Variants in TMEM39B observed in about 807,000 individuals in gnomAD.
The protein encoded by TMEM39B is transmembrane protein 39B.
Under a neutral mutation model 52.2 loss-of-function variants are expected in TMEM39B, and 23 were observed. The ratio of observed to expected loss-of-function variants is 0.44; its 90% CI spans 0.32 to 0.62. TMEM39B has a LOEUF of 0.62. Ranked by LOEUF, TMEM39B falls within the 20% of genes least tolerant of loss-of-function variation. The pLI, the probability that TMEM39B is intolerant of heterozygous loss-of-function variation, is 0.06. For synonymous variants in TMEM39B, 285 were observed against 264.0 expected, an observed-to-expected ratio of 1.08 and a Z score of -0.77; for missense variants, 547 against 642.0, an observed-to-expected ratio of 0.85 and a Z score of 1.60.
intron 5 of TMEM39B, among the ~76,000 whole-genome samples, chr1:32,087,971 G>A (rs962986688): frequency 1.7e-4 from 25 of 149,928 alleles, no homozygotes; most frequent in African/African-American, 6.1e-4. Context: ...TTTTAATGTG[G>A]CTAAATTATG....
At chr1:32,096,450 C>CGTAT (rs1640809734) in intron 7 of TMEM39B, among the ~76,000 whole-genome samples, 1 of 138,772 alleles carries the variant, frequency 7.2e-6, no homozygotes, top group Non-Finnish European at 1.5e-5. Context: ...TCTCCTCTGG[C>CGTAT]CTTTTTTTTT....
chr1:32,091,543 G>T, intron 5 of TMEM39B, 132 bp from the exon 6 acceptor site: 1 of 970,836 alleles, frequency 1.0e-6, no homozygotes, highest in Non-Finnish European at 1.5e-6. Context: ...TGGATGGAAG[G>T]ACTGGTAAAT....
At chr1:32,073,202 G>GT in intron 1 of TMEM39B, 151 bp downstream of exon 1, 1 of 751,082 alleles carries the variant, frequency 1.3e-6, no homozygotes, top group Middle Eastern at 4.6e-4. Flanking sequence ...CCCTCCTGTC[G>GT]TTTTGCGGGG....
chr1:32,076,571 C>G, intron 3 of TMEM39B, 192 bp from the exon 4 acceptor site: 1 of 700,142 alleles, frequency 1.4e-6, no homozygotes, highest in East Asian at 2.7e-5. Context: ...CAGGGACTGT[C>G]CCACTTCCCT....
chr1:32,092,161 AT>A (rs1557435466), intron 6 of TMEM39B, 150 bp downstream of exon 6: 1 of 747,990 alleles, frequency 1.3e-6, no homozygotes, highest in Non-Finnish European at 2.1e-6. Context: ...TCTCCATTTT[AT>A]TTTTTATTTT....
intron 5 of TMEM39B, among the ~76,000 whole-genome samples, chr1:32,088,979 AAGAC>A (rs1161004827): frequency 2.0e-5 from 3 of 152,216 alleles, no homozygotes; most frequent in Non-Finnish European, 2.9e-5. Flanking sequence ...GTAGGACTAA[AAGAC>A]AGTATTTATG....
rs2124423395 is a variant in TMEM39B, at chr1:32,075,529, A to G, written c.132-74A>G. The G allele has an allele frequency of 1.9e-5, 27 of 1,451,710 alleles. 1 individual carries two copies. In the South Asian group the frequency reaches 3.2e-4, roughly 17 times the overall value. The allele number at this position is 1,451,710 out of a possible 1,614,324, so 89.9% of individuals were successfully genotyped here. A position where few individuals can be genotyped will look rare whatever the true frequency, so the allele number is the denominator to read the frequency against. On this transcript the variant is annotated intron_variant, in intron 2 of 8. Coordinates refer to ENST00000336294, the MANE Select transcript of TMEM39B (RefSeq NM_018056.4). ...GCTGCTTTTCTGATCTTATCCCACA[A>G]TCCTTTGCCTCAGAAGCCCTTCCTG...
chr1:32,077,223 C>T lies in TMEM39B; in HGVS notation c.495C>T (p.Phe165=). The part of the protein sequence containing the change: ...FRSILLFLTR[F]TVLTATGWSL... ...CCATCCTGCTGTTCCTCACTCGCTTCACCGTTCTCACGGCAACAGGCTGGA... is the reference window on the plus strand; with the variant it reads ...CCATCCTGCTGTTCCTCACTCGCTTTACCGTTCTCACGGCAACAGGCTGGA... Residue 165 remains phenylalanine, a synonymous_variant, in exon 5 of 9, where the codon TTC becomes TTT. Coordinates refer to ENST00000336294, the MANE Select transcript of TMEM39B (RefSeq NM_018056.4). The T allele has an allele frequency of 4.3e-6, 7 of 1,614,204 alleles. No homozygotes were observed. The highest frequency in any genetic ancestry group is 5.1e-6 in the Non-Finnish European group (6 of 1,180,048).
At chr1:32,073,903 T>C (rs1396755659) in intron 1 of TMEM39B, 6 of 981,588 alleles carry the variant, frequency 6.1e-6, no homozygotes, top group Non-Finnish European at 7.3e-6. Context: ...TTTAAAAATA[T>C]GTATATGTAT....
intron 6 of TMEM39B, 40 bp from the exon 7 acceptor site, chr1:32,094,744 A>G: frequency 6.2e-7 from 1 of 1,605,194 alleles, no homozygotes; most frequent in Non-Finnish European, 8.5e-7. Flanking sequence ...TGAGGCCATT[A>G]TGGGGATCCC....
intron 1 of TMEM39B, chr1:32,073,740 A>G (rs1639737961): frequency 2.0e-6 from 2 of 984,888 alleles, no homozygotes. Context: ...CTTTTTAGAG[A>G]CTTGTGGAGG....
intron 5 of TMEM39B, 124 bp downstream of exon 5, chr1:32,077,442 C>A: frequency 8.1e-7 from 1 of 1,231,512 alleles, no homozygotes; most frequent in Non-Finnish European, 1.1e-6. Flanking sequence ...CATCCTCTCA[C>A]ATTGTCAGAT....
At chr1:32,084,384 G>A (rs901002585) in intron 5 of TMEM39B, among the ~76,000 whole-genome samples, 1 of 152,036 alleles carries the variant, frequency 6.6e-6, no homozygotes, top group Non-Finnish European at 1.5e-5. Flanking sequence ...GCCCTCCTGG[G>A]TTGGACCCCC....
At chr1:32,090,384 C>T (rs190355024) in intron 5 of TMEM39B, among the ~76,000 whole-genome samples, 418 of 152,182 alleles carry the variant, frequency 2.7e-3, no homozygotes, top group African/African-American at 9.4e-3. Context: ...GTTCCTGAAC[C>T]GCCCTCTGCA....
intron 5 of TMEM39B, among the ~76,000 whole-genome samples, chr1:32,077,566 A>G (rs752821081): frequency 4.6e-5 from 7 of 152,140 alleles, no homozygotes; most frequent in East Asian, 1.9e-4. Flanking sequence ...TCAGATCTGC[A>G]TATATATCCC....
At chr1:32,079,504 T>C (rs1640005684) in intron 5 of TMEM39B, among the ~76,000 whole-genome samples, 1 of 151,946 alleles carries the variant, frequency 6.6e-6, no homozygotes, top group Non-Finnish European at 1.5e-5. Flanking sequence ...ATTTCTAACC[T>C]GGACCAGTTC....
chr1:32,093,564 A>G (rs1323425100), intron 6 of TMEM39B, among the ~76,000 whole-genome samples: 3 of 149,650 alleles, frequency 2.0e-5, no homozygotes, highest in East Asian at 2.0e-4. Flanking sequence ...GGTGTGCAGC[A>G]CCATGCCCGG....
At chr1:32,077,136 C>T in intron 4 of TMEM39B, 28 bp from the exon 5 acceptor site, 1 of 1,612,770 alleles carries the variant, frequency 6.2e-7, no homozygotes, top group South Asian at 1.1e-5. Flanking sequence ...TCCAAGGCCC[C>T]ATCCCGTCCT....
At chr1:32,098,634 G>A (rs1640903682) in intron 7 of TMEM39B, among the ~76,000 whole-genome samples, 1 of 152,176 alleles carries the variant, frequency 6.6e-6, no homozygotes, top group Non-Finnish European at 1.5e-5. Context: ...TCAGGAGGCT[G>A]AAGCAGGAGA....
Sources: allele counts gnomAD v4.1 joint callset (sites outside exome capture counted in the v4.1 genomes callset), GRCh38; gene constraint gnomAD v4.1.1; transcripts MANE v1.5; gene names NCBI Gene and HGNC (gene_info 2026-07-23, HGNC 2026-07-21).